The following HSPA12A variants were observed in gnomAD, a reference collection of about 807,000 sequenced individuals.
HSPA12A encodes the protein heat shock 70 kDa protein 12A.
Under a neutral mutation model 69.2 loss-of-function variants are expected in HSPA12A, and 28 were observed. The ratio of observed to expected loss-of-function variants is 0.40; its 90% CI spans 0.30 to 0.55. The LOEUF (loss-of-function observed/expected upper bound fraction) is 0.55. Ranked by LOEUF, HSPA12A falls within the 20% of genes least tolerant of loss-of-function variation. The probability of loss-of-function intolerance (pLI) is 0.38; values close to 1 mark genes in which losing one functional copy is unlikely to be tolerated. For missense variants in HSPA12A, 686 were observed against 900.7 expected, an observed-to-expected ratio of 0.76 and a Z score of 3.05; for synonymous variants, 345 against 370.5, an observed-to-expected ratio of 0.93 and a Z score of 0.79.
chr10:116,802,381 T>C (rs1024442764), intron 2 of HSPA12A, among the ~76,000 whole-genome samples: 1 of 152,148 alleles, frequency 6.6e-6, no homozygotes, highest in African/African-American at 2.4e-5. Flanking sequence ...CGTGCATATG[T>C]CTAGGAAGAT....
Position 116,750,491 on chromosome 10 carries a change from C to T in HSPA12A, c.92-43206G>A. The T allele has an allele frequency of 6.0e-6, 3 of 501,900 alleles. No individual in the cohort carries two copies. The South Asian group carries it at 6.3e-5, about 10-fold the overall frequency. 31.1% of individuals were successfully genotyped at this position (501,900 alleles called of 1,614,324 possible). Reference sequence around the variant, plus strand: ...ATTTAATGCAGAAGTGCATCGAAAGCACATCATCAGTCAGAATGTCGTGGA... The same window carrying T: ...ATTTAATGCAGAAGTGCATCGAAAGTACATCATCAGTCAGAATGTCGTGGA... On this transcript the variant is annotated intron_variant, in intron 2 of 12. Transcript: ENST00000635765.
rs1554876651 is a variant in HSPA12A at position 116,671,534 on chromosome 10, C to T, written c.*3247G>A. 6.6e-6 allele frequency: 1 copy of T among 152,588 alleles called. No individual in the cohort carries two copies. Among genetic ancestry groups the T allele is most frequent in the Non-Finnish European group, 1.5e-5 (1 of 68,052 alleles). 9.5% of individuals were successfully genotyped at this position (152,588 alleles called of 1,614,324 possible). On this transcript the variant is annotated 3_prime_UTR_variant, in exon 12 of 12. Transcript: ENST00000369209. The stretch of plus-strand genomic sequence containing the variant: ...TTACATTGGTGCATGCGATTCTTTG[C>T]TACCCTGGCAATTAACCAGACCTGG...
At chr10:116,748,426 T>G (rs1464630262) in intron 2 of HSPA12A, among the ~76,000 whole-genome samples, 2 of 152,222 alleles carry the variant, frequency 1.3e-5, no homozygotes, top group African/African-American at 4.8e-5. Flanking sequence ...GAGTTAGGAA[T>G]GCACACTAAG....
intron 1 of HSPA12A, among the ~76,000 whole-genome samples, chr10:116,709,855 GT>G (rs1564790039): frequency 6.6e-6 from 1 of 152,150 alleles, no homozygotes; most frequent in Non-Finnish European, 1.5e-5. Flanking sequence ...CAAATTTTAT[GT>G]TATACATACT....
chr10:116,782,840 G>A (rs1844493534), intron 2 of HSPA12A, among the ~76,000 whole-genome samples: 1 of 152,144 alleles, frequency 6.6e-6, no homozygotes, highest in Non-Finnish European at 1.5e-5. Flanking sequence ...TGGACTCTCA[G>A]TTTCAACAAA....
Position 116,681,888 on chromosome 10 carries a change from A to C in HSPA12A, c.836-11T>G. The C allele has an allele frequency of 1.9e-6, 3 of 1,613,228 alleles. No individual in the cohort carries two copies. Among genetic ancestry groups the C allele is most frequent in the Non-Finnish European group, 2.5e-6 (3 of 1,179,236 alleles). ...GTATGTGTTCCTTAGCTAGTGGCCG[A>C]CAGAAAGAAAATGATGACGGGTAAG... On this transcript the variant is annotated splice_polypyrimidine_tract_variant and intron_variant, in intron 7 of 11. Coordinates refer to ENST00000369209, the MANE Select transcript of HSPA12A (RefSeq NM_025015.3).
At chr10:116,750,159 G>A in intron 2 of HSPA12A, 1 of 613,252 alleles carries the variant, frequency 1.6e-6, no homozygotes, top group Admixed American at 2.1e-5. Context: ...CCAAAACATG[G>A]TGTGAAGGTT....
In HSPA12A at chr10:116,707,203, A is replaced by T; in HGVS notation, c.123T>A (p.Ile41=). 6.3e-7 allele frequency: 1 copy of T among 1,599,222 alleles called. No individual in the cohort carries two copies. The highest frequency in any genetic ancestry group is 2.2e-5 in the East Asian group (1 of 44,732). The change falls in exon 2 of 12, where the codon ATT becomes ATA. Residue 41 remains isoleucine (I), a synonymous_variant. Transcript: ENST00000369209. ...CACACACACACACACTTCTTACCAC[A>T]ATATGGGAGGGGGACAGAGGCGTTA... is the stretch of plus-strand genomic sequence containing the variant. ...TGITPLSPSH[I]VNDTDSNVSE... is the part of the protein sequence containing the mutation.
intron 1 of HSPA12A, among the ~76,000 whole-genome samples, chr10:116,733,220 T>C (rs1554886049): frequency 6.6e-6 from 1 of 152,196 alleles, no homozygotes; most frequent in Non-Finnish European, 1.5e-5. Context: ...CCAGCGGAGA[T>C]GGTCACTAAG....
At chr10:116,815,547 C>T (rs1031514524) in intron 2 of HSPA12A, among the ~76,000 whole-genome samples, 6 of 152,150 alleles carry the variant, frequency 3.9e-5, no homozygotes, top group Admixed American at 6.5e-5. Context: ...TGCACTCCAG[C>T]CTGGGCAGAA....
chr10:116,790,469 C>T (rs2133151498), intron 2 of HSPA12A, among the ~76,000 whole-genome samples: 1 of 152,232 alleles, frequency 6.6e-6, no homozygotes, highest in African/African-American at 2.4e-5. Flanking sequence ...ATGCTGCACA[C>T]TGGCCACCTT....
At chr10:116,729,472 C>T (rs1253744964) in intron 1 of HSPA12A, among the ~76,000 whole-genome samples, 1 of 152,226 alleles carries the variant, frequency 6.6e-6, no homozygotes, top group African/African-American at 2.4e-5. Context: ...GTTAGGGGCA[C>T]CCACCCCCTG....
Position 116,705,341 on chromosome 10 carries a change from C to T in HSPA12A, c.127-63G>A, listed in dbSNP as rs1850211200. On this transcript the variant is annotated intron_variant, in intron 2 of 11. Coordinates refer to ENST00000369209, the MANE Select transcript of HSPA12A (RefSeq NM_025015.3). Reference sequence around the variant, plus strand: ...GTGGGCCTGGCTTTCAGGAAGACACCCCTGGGGGGTCTCACCTTGCCTAGC... The same window carrying T: ...GTGGGCCTGGCTTTCAGGAAGACACTCCTGGGGGGTCTCACCTTGCCTAGC... 9 of 1,585,948 alleles carry T rather than the reference C, an allele frequency of 5.7e-6. No homozygotes were observed. In the East Asian group the frequency reaches 1.8e-4, roughly 32 times the overall value.
intron 1 of HSPA12A, among the ~76,000 whole-genome samples, chr10:116,718,476 C>T (rs74161312): frequency 0.03 from 4,533 of 152,286 alleles, 233 homozygotes; most frequent in African/African-American, 0.1. Context: ...ACCTTCCACT[C>T]TCTGCCAGTG....
intron 1 of HSPA12A, among the ~76,000 whole-genome samples, chr10:116,741,089 G>A (rs1554887066): frequency 6.6e-6 from 1 of 152,098 alleles, no homozygotes; most frequent in African/African-American, 2.4e-5. Context: ...CTGGGTGTGT[G>A]TTTGGGGACG....
intron 2 of HSPA12A, among the ~76,000 whole-genome samples, chr10:116,817,446 C>T (rs772623355): frequency 5.5e-5 from 8 of 145,636 alleles, no homozygotes; most frequent in Admixed American, 1.4e-4. Context: ...CTCCTGATGC[C>T]GTCAAGTTCA....
intron 1 of HSPA12A, among the ~76,000 whole-genome samples, chr10:116,740,473 C>T (rs1230638021): frequency 1.3e-5 from 2 of 152,208 alleles, no homozygotes; most frequent in African/African-American, 4.8e-5. Flanking sequence ...AGGTTGGTCT[C>T]TGTCCTAAGT....
chr10:116,739,775 G>T (rs1851423389), intron 1 of HSPA12A, among the ~76,000 whole-genome samples: 1 of 152,078 alleles, frequency 6.6e-6, no homozygotes, highest in Admixed American at 6.5e-5. Flanking sequence ...AAGAAAATTT[G>T]CAAACATACA....
chr10:116,726,772 TTC>T (rs1165470435), intron 1 of HSPA12A, among the ~76,000 whole-genome samples: 1 of 152,200 alleles, frequency 6.6e-6, no homozygotes, highest in Admixed American at 6.5e-5. Flanking sequence ...CTTTCTAGGT[TTC>T]TGTTTCTTCA....
Sources: allele counts gnomAD v4.1 joint callset (sites outside exome capture counted in the v4.1 genomes callset), GRCh38; gene constraint gnomAD v4.1.1; transcripts MANE v1.5; gene names NCBI Gene and HGNC (gene_info 2026-07-23, HGNC 2026-07-21).